ZNF654: variants seen among roughly 807,000 people sequenced by gnomAD.
ZNF654 encodes the protein melanoma-associated antigen.
In ZNF654, 19 loss-of-function variants were observed where a neutral mutation model predicts 95.3. The ratio of observed to expected loss-of-function variants is 0.20; its 90% CI spans 0.14 to 0.29. The LOEUF is 0.29. Among genes scored for constraint, ZNF654 ranks in the 10% least tolerant of loss-of-function variants. The pLI is 1.00. For missense variants in ZNF654, 1,046 were observed against 1,341.0 expected (o/e 0.78, Z 3.44); for synonymous variants, 413 against 457.9 (o/e 0.90, Z 1.25).
intron 1 of ZNF654, among the ~76,000 whole-genome samples, chr3:88,062,483 A>G (rs1208915721): frequency 6.6e-6 from 1 of 152,216 alleles, no homozygotes; most frequent in Non-Finnish European, 1.5e-5. Context: ...TCATTATGAC[A>G]CAGTAGTAAG....
Position 88,140,735 on chromosome 3 carries a change from A to G in ZNF654, c.3066A>G (p.Pro1022=), listed in dbSNP as rs777131147. Residue 1022 remains proline (P), a synonymous_variant, in exon 8 of 9, where the codon CCA becomes CCG. Transcript: ENST00000636215. The part of the protein sequence containing the change: ...SVVPQEHNTL[P]VSQAPSKPNL... ...TACCACAAGAACACAACACCTTGCCAGTATCTCAGGCACCTTCCAAACCAA... is the reference window on the plus strand; with the variant it reads ...TACCACAAGAACACAACACCTTGCCGGTATCTCAGGCACCTTCCAAACCAA... The G allele has an allele frequency of 8.7e-6, 14 of 1,613,650 alleles. No homozygotes were observed. Among genetic ancestry groups the G allele is most frequent in the Non-Finnish European group, 1.2e-5 (14 of 1,179,744 alleles).
Position 88,139,522 on chromosome 3 carries a change from AAAT to A in ZNF654, c.1856_1858del (p.Ile619del). On this transcript the variant is annotated inframe_deletion, in exon 8 of 9. Coordinates refer to ENST00000636215, the MANE Select transcript of ZNF654 (RefSeq NM_001350134.2). ...GATCAGGAAGTCACTGCTTTGGAAGAAATAAATTGTTCTAGTTCTTCCATTTCA... is the reference window on the plus strand; with the variant it reads ...GATCAGGAAGTCACTGCTTTGGAAGAAAATTGTTCTAGTTCTTCCATTTCA... 1 of 1,613,446 alleles carries A rather than the reference AAAT, an allele frequency of 6.2e-7. No individual in the cohort carries two copies. Among genetic ancestry groups the A allele is most frequent in the Non-Finnish European group, 8.5e-7 (1 of 1,179,696 alleles).
At chr3:88,066,842 C>T (rs1290194319) in intron 1 of ZNF654, among the ~76,000 whole-genome samples, 1 of 152,078 alleles carries the variant, frequency 6.6e-6, no homozygotes, top group Admixed American at 6.5e-5. Flanking sequence ...AAATATGTGT[C>T]TGGTAAGATA....
intron 3 of ZNF654, among the ~76,000 whole-genome samples, chr3:88,114,170 C>A (rs1705254804): frequency 6.6e-6 from 1 of 152,038 alleles, no homozygotes; most frequent in South Asian, 2.1e-4. Context: ...GACAGAAAGA[C>A]AATCAAACCT....
intron 2 of ZNF654, among the ~76,000 whole-genome samples, chr3:88,102,597 T>A (rs1455354670): frequency 2.0e-5 from 3 of 152,198 alleles, no homozygotes; most frequent in Non-Finnish European, 4.4e-5. Flanking sequence ...GGCCAAATCC[T>A]AAAATAGTAT....
At chr3:88,065,030 TTAATTGCATCGA>T (rs1707115007) in intron 1 of ZNF654, among the ~76,000 whole-genome samples, 1 of 152,250 alleles carries the variant, frequency 6.6e-6, no homozygotes, top group Non-Finnish European at 1.5e-5. Flanking sequence ...ATAATAATTT[TTAATTGCATCGA>T]TAATTGCATT....
rs1706710833 is a variant in ZNF654 at position 88,059,471 on chromosome 3, TCAG to T, written c.156_158del (p.Ser53del). On this transcript the variant is annotated inframe_deletion, in exon 1 of 9. Coordinates refer to ENST00000636215, the MANE Select transcript of ZNF654 (RefSeq NM_001350134.2). ...GGCAACTGCGGCGGCGGCGTCGGAA[TCAG>T]CAGTCGGGATTACTGCCGACGCTTC... 3 of 1,518,648 alleles carry T rather than the reference TCAG, an allele frequency of 2.0e-6. No individual in the cohort carries two copies. Among genetic ancestry groups the T allele is most frequent in the Non-Finnish European group, 2.6e-6 (3 of 1,140,342 alleles). 94.1% of individuals were successfully genotyped at this position (1,518,648 alleles called of 1,614,324 possible). A position where few individuals can be genotyped will look rare whatever the true frequency, so the allele number is the denominator to read the frequency against.
At chr3:88,103,002 C>T (rs1464729538) in intron 2 of ZNF654, among the ~76,000 whole-genome samples, 1 of 151,964 alleles carries the variant, frequency 6.6e-6, no homozygotes, top group Non-Finnish European at 1.5e-5. Context: ...TAGTAGTCTC[C>T]AGTGTCTGTT....
At chr3:88,125,546 A>G (rs1418576998) in intron 3 of ZNF654, among the ~76,000 whole-genome samples, 1 of 152,120 alleles carries the variant, frequency 6.6e-6, no homozygotes, top group African/African-American at 2.4e-5. Context: ...TTATTTATAG[A>G]TTTATTTCTT....
Position 88,140,566 on chromosome 3 carries a change from A to T in ZNF654, c.2897A>T (p.Asn966Ile). The part of the protein sequence containing the change: ...IDQKMPDIEP[N>I]SENNCSSSDI... Reference sequence around the variant, plus strand: ...CAAAAGATGCCTGACATAGAGCCAAATTCTGAAAATAATTGTAGTAGTAGT... The same window carrying T: ...CAAAAGATGCCTGACATAGAGCCAATTTCTGAAAATAATTGTAGTAGTAGT... The change falls in exon 8 of 9, where the codon AAT becomes ATT. Residue 966 changes from asparagine to isoleucine, a missense_variant. Transcript: ENST00000636215. The T allele has an allele frequency of 1.2e-6, 2 of 1,613,782 alleles. No homozygotes were observed.
chr3:88,140,599 T>C lies in ZNF654; in HGVS notation c.2930T>C (p.Val977Ala). ...SENNCSSSDI[V>A]NGHSEIEQTP... ...AATAATTGTAGTAGTAGTGATATAG[T>C]CAATGGACACAGTGAAATAGAGCAA... The change falls in exon 8 of 9, where the codon GTC becomes GCC. Residue 977 changes from valine (V) to alanine (A), a missense_variant. This residue lies in a region of ZNF654 where 495 missense variants were observed against 537.0 expected (regional missense o/e 0.92). Transcript: ENST00000636215. 1 of 1,613,744 alleles carries C rather than the reference T, an allele frequency of 6.2e-7. No homozygotes were observed. Among genetic ancestry groups the C allele is most frequent in the South Asian group, 1.1e-5 (1 of 91,074 alleles).
At chr3:88,119,766 G>A (rs908246674) in intron 3 of ZNF654, among the ~76,000 whole-genome samples, 4 of 151,960 alleles carry the variant, frequency 2.6e-5, no homozygotes, top group African/African-American at 9.7e-5. Flanking sequence ...TTAGAACAGC[G>A]ACAATTAATA....
chr3:88,101,712 AT>A (rs1704436437), intron 2 of ZNF654, among the ~76,000 whole-genome samples: 1 of 152,150 alleles, frequency 6.6e-6, no homozygotes, highest in Non-Finnish European at 1.5e-5. Context: ...TGTTAGATGT[AT>A]GATTAGTTTA....
intron 3 of ZNF654, among the ~76,000 whole-genome samples, chr3:88,118,455 A>G (rs970641006): frequency 6.6e-6 from 1 of 152,122 alleles, no homozygotes; most frequent in Non-Finnish European, 1.5e-5. Flanking sequence ...GCAAGTGTTG[A>G]TCTCCCCTAA....
intron 3 of ZNF654, among the ~76,000 whole-genome samples, chr3:88,120,795 A>G (rs1172461883): frequency 1.3e-5 from 1 of 75,206 alleles, no homozygotes; most frequent in African/African-American, 3.5e-5. Flanking sequence ...ATTCAACAGT[A>G]TAAAGTCAGT....
chr3:88,141,582 T>A, intron 8 of ZNF654, 63 bp from the exon 9 acceptor site: 1 of 1,280,404 alleles, frequency 7.8e-7, no homozygotes, highest in Non-Finnish European at 1.1e-6. Flanking sequence ...AACAGGAATC[T>A]GACTTGGAAT....
In ZNF654 at chr3:88,059,480, G is replaced by T. The variant is rs1438510662; in HGVS notation, c.161G>T (p.Arg54Leu). The change falls in exon 1 of 9, where the codon CGG (arginine) becomes CTG (leucine). Residue 54 changes from arginine to leucine, a missense_variant. Around this residue, in one of 9 missense-constraint regions of ZNF654, gnomAD observed 89 missense variants for 77.9 expected, o/e 1.14. Transcript: ENST00000636215. ...GGCGGCGGCGTCGGAATCAGCAGTC[G>T]GGATTACTGCCGACGCTTCTGTCAG... Reference protein sequence around the residue: ...NCGGGVGISSRDYCRRFCQVV... With the variant: ...NCGGGVGISSLDYCRRFCQVV... 12 of 1,512,992 alleles carry T rather than the reference G, an allele frequency of 7.9e-6. No homozygotes were observed. Among genetic ancestry groups the T allele is most frequent in the Non-Finnish European group, 1.1e-5 (12 of 1,137,806 alleles). The allele number at this position is 1,512,992 out of a possible 1,614,324, so 93.7% of individuals were successfully genotyped here.
At chr3:88,105,571 T>A (rs1704685118) in intron 2 of ZNF654, among the ~76,000 whole-genome samples, 1 of 152,174 alleles carries the variant, frequency 6.6e-6, no homozygotes, top group Non-Finnish European at 1.5e-5. Flanking sequence ...ATGAACACAT[T>A]GTAATGTTGC....
intron 1 of ZNF654, among the ~76,000 whole-genome samples, chr3:88,065,640 A>C (rs1351098312): frequency 2.6e-5 from 4 of 152,114 alleles, no homozygotes. Flanking sequence ...AGTTTTTTAA[A>C]AATTAAACCT....
Sources: gnomAD v4.1 joint callset for allele counts (sites outside exome capture counted in the v4.1 genomes callset) on GRCh38, gnomAD v4.1.1 for gene constraint, gnomAD v4.1.1 regional missense constraint, MANE v1.5 for transcripts, NCBI Gene and HGNC (gene_info 2026-07-23, HGNC 2026-07-21) for gene names.